GRM1: variants seen among roughly 807,000 people sequenced by gnomAD.
The protein encoded by GRM1 is metabotropic glutamate receptor 1.
In GRM1, 33 loss-of-function variants were observed where a neutral mutation model predicts 90.9. That is an observed-to-expected ratio of 0.36 (90% CI 0.28 to 0.49). The LOEUF (loss-of-function observed/expected upper bound fraction) is 0.49. GRM1 is among the 20% of genes least tolerant of loss of function. The pLI is 0.99. For missense variants in GRM1, 1,190 were observed against 1,534.3 expected (o/e 0.78, Z 3.75); for synonymous variants, 700 against 613.2 (o/e 1.14, Z -2.09).
intron 3 of GRM1, among the ~76,000 whole-genome samples, chr6:146,320,433 T>C (rs1330703420): frequency 6.6e-6 from 1 of 152,148 alleles, no homozygotes; most frequent in Non-Finnish European, 1.5e-5. Context: ...TTTCTTTTTT[T>C]GTTGTGTCTC....
chr6:146,269,522 A>G (rs1250893023), intron 2 of GRM1, among the ~76,000 whole-genome samples: 2 of 152,226 alleles, frequency 1.3e-5, no homozygotes, highest in Non-Finnish European at 2.9e-5. Context: ...GTTTTATAGC[A>G]GGGGTCCCCA....
At chr6:146,411,039 C>G (rs1777548069) in intron 7 of GRM1, among the ~76,000 whole-genome samples, 1 of 152,140 alleles carries the variant, frequency 6.6e-6, no homozygotes, top group Admixed American at 6.5e-5. Flanking sequence ...GTGTCAGGCA[C>G]TGGGACAACT....
chr6:146,386,827 A>T, intron 5 of GRM1, 63 bp from the exon 6 acceptor site: 1 of 1,292,340 alleles, frequency 7.7e-7, no homozygotes, highest in South Asian at 1.2e-5. Context: ...ACAAATCCTC[A>T]TCTGAAATAG....
At chr6:146,231,233 T>C (rs1303685899) in intron 2 of GRM1, among the ~76,000 whole-genome samples, 1 of 152,140 alleles carries the variant, frequency 6.6e-6, no homozygotes, top group Non-Finnish European at 1.5e-5. Context: ...ATGTTAATAA[T>C]GGAGGAAGCT....
intron 2 of GRM1, among the ~76,000 whole-genome samples, chr6:146,170,492 G>T (rs1049281579): frequency 4.0e-5 from 6 of 151,736 alleles, no homozygotes; most frequent in African/African-American, 1.2e-4. Flanking sequence ...CTGTTCTTTG[G>T]GTTTTGTAAT....
intron 5 of GRM1, among the ~76,000 whole-genome samples, chr6:146,370,331 C>G (rs1036360409): frequency 6.6e-6 from 1 of 151,990 alleles, no homozygotes; most frequent in Non-Finnish European, 1.5e-5. Flanking sequence ...AGAATGACAG[C>G]TCCTCATGGG....
chr6:146,136,820 T>C (rs992133028), intron 1 of GRM1, among the ~76,000 whole-genome samples: 4 of 151,868 alleles, frequency 2.6e-5, no homozygotes, highest in African/African-American at 9.6e-5. Flanking sequence ...TTCTTCACTT[T>C]GTTGATTGTT....
intron 2 of GRM1, among the ~76,000 whole-genome samples, chr6:146,206,539 G>A (rs1583163882): frequency 6.6e-6 from 1 of 152,002 alleles, no homozygotes; most frequent in East Asian, 1.9e-4. Context: ...TGTATTCTCT[G>A]TCTCTCTGTC....
chr6:146,120,992 G>T (rs1201233992), intron 1 of GRM1, among the ~76,000 whole-genome samples: 2 of 152,082 alleles, frequency 1.3e-5, no homozygotes, highest in African/African-American at 4.8e-5. Context: ...CTATTGATTG[G>T]AATAGTTTCA....
intron 1 of GRM1, among the ~76,000 whole-genome samples, chr6:146,043,987 G>C (rs959540007): frequency 2.6e-5 from 4 of 151,644 alleles, no homozygotes; most frequent in Non-Finnish European, 4.4e-5. Context: ...AAGAATCCTT[G>C]AGTGTTGATC....
intron 2 of GRM1, among the ~76,000 whole-genome samples, chr6:146,215,561 G>A (rs377267863): frequency 2.6e-5 from 4 of 152,108 alleles, no homozygotes; most frequent in South Asian, 2.1e-4. Context: ...TATTAGAATA[G>A]TGTTCCTATA....
Position 146,325,159 on chromosome 6 carries a change from A to T in GRM1, c.1186+20313A>T, listed in dbSNP as rs377182870. Among the ~76,000 whole-genome samples, 5 of 152,294 alleles carry T rather than the reference A, an allele frequency of 3.3e-5. No individual in the cohort carries two copies. In the South Asian group the frequency reaches 1.0e-3, roughly 32 times the overall value. On this transcript the variant is annotated intron_variant, in intron 3 of 7. Transcript: ENST00000282753. ...ATCAGGCATTACTGTCCTGAGTTTC[A>T]TGTTTCCACTAGTGAAGTCTTCTTC...
chr6:146,141,980 G>A lies in GRM1; in HGVS notation c.701-17368G>A, dbSNP rs187169372. Reference sequence around the variant, plus strand: ...TTGGTGGCTGGATATTGAAGAGTTAGATATTATAGTCTTCAAGGTCTTGGC... The same window carrying A: ...TTGGTGGCTGGATATTGAAGAGTTAAATATTATAGTCTTCAAGGTCTTGGC... On this transcript the variant is annotated intron_variant, in intron 1 of 7. Transcript: ENST00000282753. Among the ~76,000 whole-genome samples the A allele has an allele frequency of 2.0e-4, 30 of 152,248 alleles. No individual in the cohort carries two copies. The East Asian group carries it at 5.6e-3, about 28-fold the overall frequency.
chr6:146,322,314 TC>T (rs1215025976), intron 3 of GRM1, among the ~76,000 whole-genome samples: 1 of 152,152 alleles, frequency 6.6e-6, no homozygotes, highest in Non-Finnish European at 1.5e-5. Context: ...GCTGGAGCTC[TC>T]CTCTATGGCT....
intron 7 of GRM1, among the ~76,000 whole-genome samples, chr6:146,407,516 G>T (rs983495253): frequency 6.6e-6 from 1 of 152,034 alleles, no homozygotes; most frequent in African/African-American, 2.4e-5. Flanking sequence ...AGATAAACTT[G>T]TATAGTCAAT....
intron 7 of GRM1, among the ~76,000 whole-genome samples, chr6:146,414,906 A>C (rs527263323): frequency 6.6e-6 from 1 of 152,220 alleles, no homozygotes; most frequent in Non-Finnish European, 1.5e-5. Context: ...GCCTATTCCC[A>C]GATCATAGAG....
At chr6:146,156,295 G>T (rs1777525827) in intron 1 of GRM1, among the ~76,000 whole-genome samples, 1 of 152,146 alleles carries the variant, frequency 6.6e-6, no homozygotes, top group Non-Finnish European at 1.5e-5. Context: ...AGTCCCAGCT[G>T]CTCAGGAGGC....
chr6:146,076,986 A>T (rs1756264597), intron 1 of GRM1, among the ~76,000 whole-genome samples: 1 of 152,052 alleles, frequency 6.6e-6, no homozygotes, highest in African/African-American at 2.4e-5. Flanking sequence ...AGTCAGAATG[A>T]CCTTGGACAA....
chr6:146,083,792 A>T (rs1353696503), intron 1 of GRM1, among the ~76,000 whole-genome samples: 2 of 152,182 alleles, frequency 1.3e-5, no homozygotes, highest in African/African-American at 2.4e-5. Context: ...TGTTTGGAAT[A>T]GTTTCAGAGG....
Sources: gnomAD v4.1 joint callset for allele counts (sites outside exome capture counted in the v4.1 genomes callset) on GRCh38, gnomAD v4.1.1 for gene constraint, MANE v1.5 for transcripts, NCBI Gene and HGNC (gene_info 2026-07-23, HGNC 2026-07-21) for gene names.